The following MDGA2 variants were observed in gnomAD, a reference collection of about 807,000 sequenced individuals.
The protein encoded by MDGA2 is MAM domain-containing glycosylphosphatidylinositol anchor protein 2.
In MDGA2, 40 loss-of-function variants were observed where a neutral mutation model predicts 117.8. That is an observed-to-expected ratio of 0.34 (90% confidence interval 0.26 to 0.44). The LOEUF (loss-of-function observed/expected upper bound fraction) is 0.44, where lower values mean the gene tolerates loss of function less well. MDGA2 is among the 20% of genes least tolerant of loss of function. The pLI is 1.00. For synonymous variants in MDGA2, 452 were observed against 439.0 expected, an observed-to-expected ratio of 1.03 and a Z score of -0.37; for missense variants, 1,123 against 1,250.6, an observed-to-expected ratio of 0.90 and a Z score of 1.54.
intron 1 of MDGA2, among the ~76,000 whole-genome samples, chr14:47,669,731 G>A (rs1898040889): frequency 6.6e-6 from 1 of 152,074 alleles, no homozygotes; most frequent in Admixed American, 6.5e-5. Flanking sequence ...ATGTAATAGA[G>A]CTTCACATTG....
chr14:47,301,127 G>A (rs1889264463), intron 2 of MDGA2, among the ~76,000 whole-genome samples: 1 of 152,064 alleles, frequency 6.6e-6, no homozygotes, highest in Admixed American at 6.5e-5. Context: ...CTGTTTAACA[G>A]CTTCCTTAGA....
Position 47,256,097 on chromosome 14 carries a change from C to CTT in MDGA2, c.421-37904_421-37903dup, listed in dbSNP as rs113355073. Among the ~76,000 whole-genome samples the CTT allele has an allele frequency of 2.1e-4, 28 of 136,116 alleles. No individual in the cohort carries two copies. In the South Asian group the frequency reaches 4.1e-3, roughly 20 times the overall value. The allele number at this position is 136,116 out of a possible 152,430, so 89.3% of individuals were successfully genotyped here. A position where few individuals can be genotyped will look rare whatever the true frequency, so the allele number is the denominator to read the frequency against. On this transcript the variant is annotated intron_variant, in intron 2 of 16. Transcript: ENST00000399232. Reference sequence around the variant, plus strand: ...CCTTTTTTGGTTTTAAATCAAATTTCTTTTTTTTTTTTTTTCTGAAGCCCT... The same window carrying CTT: ...CCTTTTTTGGTTTTAAATCAAATTTCTTTTTTTTTTTTTTTTTCTGAAGCCCT...
At chr14:47,024,184 A>G (rs1888390784) in intron 8 of MDGA2, among the ~76,000 whole-genome samples, 1 of 152,310 alleles carries the variant, frequency 6.6e-6, no homozygotes, top group Middle Eastern at 3.4e-3. Flanking sequence ...CTCTATATCT[A>G]TGTATATCTG....
chr14:47,112,076 G>A (rs1881068298), intron 5 of MDGA2, among the ~76,000 whole-genome samples: 1 of 152,010 alleles, frequency 6.6e-6, no homozygotes, highest in Admixed American at 6.6e-5. Context: ...AAGTTGAAAG[G>A]ACTGAGATGA....
chr14:47,561,158 G>GTTTTTTTTTTTTTT (rs200625450), intron 1 of MDGA2, among the ~76,000 whole-genome samples: 3 of 55,092 alleles, frequency 5.4e-5, no homozygotes, highest in Non-Finnish European at 8.7e-5. Context: ...TTTTTGTTTT[G>GTTTTTTTTTTTTTT]TTTTGTTTTT....
chr14:47,415,404 C>T (rs1393071581), intron 1 of MDGA2, among the ~76,000 whole-genome samples: 1 of 152,092 alleles, frequency 6.6e-6, no homozygotes, highest in Non-Finnish European at 1.5e-5. Context: ...TAGGTTGTTT[C>T]ACTTTCTATG....
At chr14:47,118,682 C>T (rs1346171270) in intron 5 of MDGA2, among the ~76,000 whole-genome samples, 3 of 152,170 alleles carry the variant, frequency 2.0e-5, no homozygotes, top group Non-Finnish European at 4.4e-5. Context: ...CTATTTAACT[C>T]TCCAATGACT....
At chr14:47,043,432 T>C (rs1052393508) in intron 7 of MDGA2, among the ~76,000 whole-genome samples, 1 of 152,088 alleles carries the variant, frequency 6.6e-6, no homozygotes, top group African/African-American at 2.4e-5. Context: ...GGTTTGAAAA[T>C]ATGCAGAACT....
At chr14:47,069,865 G>A (rs977696358) in intron 6 of MDGA2, among the ~76,000 whole-genome samples, 18 of 152,162 alleles carry the variant, frequency 1.2e-4, no homozygotes, top group Admixed American at 9.2e-4. Flanking sequence ...ATGACTAAAT[G>A]AGAAATATCT....
intron 1 of MDGA2, among the ~76,000 whole-genome samples, chr14:47,546,083 T>C (rs1478004308): frequency 1.3e-5 from 2 of 152,168 alleles, no homozygotes; most frequent in South Asian, 2.1e-4. Context: ...CCAAGTAGTA[T>C]ATTGGTATGC....
At chr14:47,585,620 G>A (rs2138848581) in intron 1 of MDGA2, among the ~76,000 whole-genome samples, 2 of 151,884 alleles carry the variant, frequency 1.3e-5, no homozygotes, top group South Asian at 4.1e-4. Flanking sequence ...GAAGCCAAAA[G>A]GAGAGTGATT....
At chr14:47,458,826 A>T (rs1893419025) in intron 1 of MDGA2, among the ~76,000 whole-genome samples, 1 of 151,762 alleles carries the variant, frequency 6.6e-6, no homozygotes, top group African/African-American at 2.4e-5. Context: ...GGAATGTGTG[A>T]ATTAATCTTT....
chr14:47,451,929 T>C (rs760948020), intron 1 of MDGA2, among the ~76,000 whole-genome samples: 2 of 152,128 alleles, frequency 1.3e-5, no homozygotes, highest in Non-Finnish European at 2.9e-5. Flanking sequence ...AAGTATATCT[T>C]GTACTGGTTT....
rs542390017 is a variant in MDGA2, at chr14:47,631,777, T to C, written c.280+42740A>G. Among the ~76,000 whole-genome samples, 13 of 152,274 alleles carry C rather than the reference T, an allele frequency of 8.5e-5. No individual in the cohort carries two copies. The East Asian group carries it at 2.3e-3, about 27-fold the overall frequency. On this transcript the variant is annotated intron_variant, in intron 1 of 16. Coordinates refer to ENST00000399232, the MANE Select transcript of MDGA2 (RefSeq NM_001113498.3). ...TAGTCACTTTGCAAGCTTCTTGTCT[T>C]GCACACATTGATGCAAGACAAGGGT...
intron 1 of MDGA2, among the ~76,000 whole-genome samples, chr14:47,320,887 A>T (rs8016873): frequency 0.029 from 4,407 of 152,216 alleles, 213 homozygotes; most frequent in African/African-American, 0.1. Flanking sequence ...AAATCTATCA[A>T]TCTCTGCCAT....
chr14:47,383,351 A>C (rs78776817), intron 1 of MDGA2, among the ~76,000 whole-genome samples: 619 of 152,304 alleles, frequency 4.1e-3, no homozygotes, highest in Non-Finnish European at 6.4e-3. Flanking sequence ...ACAATTAAAA[A>C]AAAAAGAAAA....
chr14:47,056,064 T>C (rs1470938620), intron 7 of MDGA2, among the ~76,000 whole-genome samples: 1 of 152,170 alleles, frequency 6.6e-6, no homozygotes, highest in African/African-American at 2.4e-5. Flanking sequence ...TTTTATGTGA[T>C]AGTCTTATGA....
At chr14:47,059,590 T>C (rs952440180) in intron 7 of MDGA2, among the ~76,000 whole-genome samples, 5 of 152,038 alleles carry the variant, frequency 3.3e-5, no homozygotes, top group African/African-American at 1.2e-4. Flanking sequence ...GCTCGTTTTG[T>C]GAGCCCTGTA....
At chr14:47,216,180 A>G (rs1209806945) in intron 3 of MDGA2, among the ~76,000 whole-genome samples, 1 of 152,160 alleles carries the variant, frequency 6.6e-6, no homozygotes, top group Non-Finnish European at 1.5e-5. Context: ...AAAGGAAAAG[A>G]GAAAAATATT....
Sources: gnomAD v4.1 joint callset for allele counts (sites outside exome capture counted in the v4.1 genomes callset) on GRCh38, gnomAD v4.1.1 for gene constraint, MANE v1.5 for transcripts, NCBI Gene and HGNC (gene_info 2026-07-23, HGNC 2026-07-21) for gene names.